The following CUX1 variants were observed in gnomAD, a reference collection of about 807,000 sequenced individuals.
The protein encoded by CUX1 is cut like homeobox 1, also known as protein CASP.
Under a neutral mutation model 158.8 loss-of-function variants are expected in CUX1, and 31 were observed. The observed-to-expected ratio is 0.20, with a 90% CI of 0.15 to 0.26. CUX1 has a LOEUF of 0.26. Among genes scored for constraint, CUX1 ranks in the 10% least tolerant of loss-of-function variants. The pLI, the probability that CUX1 is intolerant of heterozygous loss-of-function variation, is 1.00. For missense variants in CUX1, 1,589 were observed against 2,014.6 expected (o/e 0.79, Z 4.04); for synonymous variants, 879 against 862.1 (o/e 1.02, Z -0.34).
At chr7:102,085,411 AC>A (rs1238243047) in intron 4 of CUX1, among the ~76,000 whole-genome samples, 6 of 152,084 alleles carry the variant, frequency 3.9e-5, no homozygotes, top group Admixed American at 3.9e-4. Flanking sequence ...CGTGGGAGGG[AC>A]CAGTGGGAGG....
intron 20 of CUX1, among the ~76,000 whole-genome samples, chr7:102,212,064 G>T (rs1796595082): frequency 6.6e-6 from 1 of 152,200 alleles, no homozygotes; most frequent in African/African-American, 2.4e-5. Flanking sequence ...TGCTTGTTCA[G>T]TTCCCCAAGC....
At chr7:102,145,249 C>T (rs575106962) in intron 8 of CUX1, among the ~76,000 whole-genome samples, 30 of 151,940 alleles carry the variant, frequency 2.0e-4, no homozygotes, top group African/African-American at 6.8e-4. Flanking sequence ...GTCATTTGTC[C>T]AGAAAAGATT....
chr7:102,080,375 T>A (rs1217704570), intron 4 of CUX1, among the ~76,000 whole-genome samples: 3 of 152,172 alleles, frequency 2.0e-5, no homozygotes, highest in Non-Finnish European at 4.4e-5. Flanking sequence ...AATTATGCCC[T>A]GAATTCCAGT....
chr7:102,176,602 G>A lies in CUX1; in HGVS notation c.829-1867G>A, dbSNP rs1355570190. ...TTTTTTTTTGCTTTGACACAGAGTCGCTCTGTCACCCAGGCTGGAGGTCAG... is the reference window on the plus strand; with the variant it reads ...TTTTTTTTTGCTTTGACACAGAGTCACTCTGTCACCCAGGCTGGAGGTCAG... On this transcript the variant is annotated intron_variant, in intron 10 of 23. Coordinates refer to ENST00000292535, the MANE Select transcript of CUX1 (RefSeq NM_181552.4). 5.9e-5 allele frequency among the ~76,000 whole-genome samples: 7 copies of A among 118,650 alleles called. No individual in the cohort carries two copies. The South Asian group carries it at 1.4e-3, about 23-fold the overall frequency. 77.8% of individuals were successfully genotyped at this position (118,650 alleles called of 152,430 possible).
intron 3 of CUX1, among the ~76,000 whole-genome samples, chr7:102,034,551 G>A (rs1585355833): frequency 6.6e-6 from 1 of 152,066 alleles, no homozygotes; most frequent in East Asian, 1.9e-4. Context: ...TCAGGAGATC[G>A]AGACCATCCT....
At chr7:101,984,076 C>CCA (rs1813853670) in intron 2 of CUX1, among the ~76,000 whole-genome samples, 1 of 6,074 alleles carries the variant, frequency 1.6e-4, no homozygotes, top group African/African-American at 5.1e-4. Context: ...CTGTCCCCCC[C>CCA]CAAAAAAAAA....
chr7:102,080,231 G>A (rs1827224202), intron 4 of CUX1, among the ~76,000 whole-genome samples: 1 of 152,280 alleles, frequency 6.6e-6, no homozygotes, highest in South Asian at 2.1e-4. Flanking sequence ...ACTCCTCCTC[G>A]GTGTGCTTGC....
chr7:102,126,626 G>A (rs961189130), intron 8 of CUX1, among the ~76,000 whole-genome samples: 3 of 151,968 alleles, frequency 2.0e-5, no homozygotes, highest in Non-Finnish European at 4.4e-5. Flanking sequence ...TATTTTAAGC[G>A]TGCTCAGAAC....
intron 1 of CUX1, among the ~76,000 whole-genome samples, chr7:101,863,171 C>T (rs1165450037): frequency 6.6e-6 from 1 of 152,014 alleles, no homozygotes; most frequent in Non-Finnish European, 1.5e-5. Context: ...TTAGCACACC[C>T]TCGAAAAATG....
At chr7:102,280,951 A>C in intron 20 of CUX1, 2 of 1,193,762 alleles carry the variant, frequency 1.7e-6, no homozygotes, top group Non-Finnish European at 2.4e-6. Context: ...CCCAGGCTGG[A>C]GGAGCCGCCA....
At chr7:101,841,278 C>T (rs2131156618) in intron 1 of CUX1, among the ~76,000 whole-genome samples, 1 of 152,112 alleles carries the variant, frequency 6.6e-6, no homozygotes, top group Middle Eastern at 3.4e-3. Context: ...CTTAACTGTT[C>T]TGTGATCATA....
At chr7:101,999,216 C>A (rs1445653874) in intron 2 of CUX1, among the ~76,000 whole-genome samples, 1 of 71,370 alleles carries the variant, frequency 1.4e-5, no homozygotes, top group African/African-American at 5.3e-5. Flanking sequence ...CTTTTTTTTA[C>A]CTTTTTTTTT....
chr7:102,052,482 G>A (rs956182219), intron 3 of CUX1, among the ~76,000 whole-genome samples: 6 of 151,924 alleles, frequency 3.9e-5, no homozygotes, highest in African/African-American at 1.5e-4. Flanking sequence ...TCTTTTTATG[G>A]CTGAATAATA....
At chr7:101,816,141 G>A (rs1161122955), upstream of CUX1, 1 of 1,183,826 alleles carries the variant, frequency 8.4e-7, no homozygotes. Flanking sequence ...GGGGGCTGCG[G>A]GCGGTCGCGG....
chr7:102,197,455 C>A, intron 15 of CUX1, 150 bp downstream of exon 15: 1 of 991,806 alleles, frequency 1.0e-6, no homozygotes, highest in Non-Finnish European at 1.5e-6. Context: ...ACGTCCAGAG[C>A]TCAAGGGTGG....
chr7:102,127,579 G>GTT lies in CUX1; in HGVS notation c.674+12316_674+12317dup, dbSNP rs112702274. On this transcript the variant is annotated intron_variant, in intron 8 of 23. Coordinates refer to ENST00000292535, the MANE Select transcript of CUX1 (RefSeq NM_181552.4). ...TTTCTAGGGTTTGTTTTTTGTTTTT[G>GTT]TTTTTTTTTTTACCTGACATGTTGT... 1.4e-3 allele frequency among the ~76,000 whole-genome samples: 185 copies of GTT among 134,818 alleles called. 1 individual carries two copies. Among genetic ancestry groups the GTT allele is most frequent in the African/African-American group, 4.1e-3 (157 of 38,718 alleles). 88.4% of individuals were successfully genotyped at this position (134,818 alleles called of 152,430 possible). A position where few individuals can be genotyped will look rare whatever the true frequency, so the allele number is the denominator to read the frequency against.
chr7:102,093,241 AAAAAG>A (rs1345459539), intron 4 of CUX1, among the ~76,000 whole-genome samples: 9 of 109,618 alleles, frequency 8.2e-5, no homozygotes, highest in African/African-American at 1.2e-4. Context: ...AAAAAAAAAA[AAAAAG>A]AAAGTCATAG....
chr7:101,919,209 TG>T (rs201051459), intron 2 of CUX1, among the ~76,000 whole-genome samples: 1 of 151,070 alleles, frequency 6.6e-6, no homozygotes, highest in African/African-American at 2.4e-5. Flanking sequence ...TGTGTGTGTG[TG>T]GGGGGGGAGC....
At position 102,250,411 on chromosome 7, in the gene CUX1, C is replaced by G. The variant is rs782753628; in HGVS notation, c.*1369C>G. On this transcript the variant is annotated 3_prime_UTR_variant, in exon 24 of 24. Coordinates refer to ENST00000292535, the MANE Select transcript of CUX1 (RefSeq NM_181552.4). The stretch of plus-strand genomic sequence containing the variant: ...CTGGATACCTGATGAACTGAGCCCT[C>G]CCAGGGGAAGACACTCCCCAGGCCT... The G allele has an allele frequency of 3.9e-4, 383 of 985,526 alleles. No individual in the cohort carries two copies. The highest frequency in any genetic ancestry group is 4.5e-4 in the Non-Finnish European group (375 of 830,014). 61.0% of individuals were successfully genotyped at this position (985,526 alleles called of 1,614,324 possible). A position where few individuals can be genotyped will look rare whatever the true frequency, so the allele number is the denominator to read the frequency against.
Sources: gnomAD v4.1 joint callset for allele counts (sites outside exome capture counted in the v4.1 genomes callset) on GRCh38, gnomAD v4.1.1 for gene constraint, MANE v1.5 for transcripts, NCBI Gene and HGNC (gene_info 2026-07-23, HGNC 2026-07-21) for gene names.